Variants in GUCY1B1 observed in about 807,000 individuals in gnomAD.
The protein encoded by GUCY1B1 is guanylate cyclase soluble subunit beta-1.
Under a neutral mutation model 71.0 loss-of-function variants are expected in GUCY1B1, and 43 were observed. The ratio of observed to expected loss-of-function variants is 0.61; its 90% CI spans 0.47 to 0.78. The LOEUF (loss-of-function observed/expected upper bound fraction) is 0.78, where lower values mean the gene tolerates loss of function less well. Among genes scored for constraint, GUCY1B1 ranks in the 30% least tolerant of loss-of-function variants. The pLI is 0.00. For synonymous variants in GUCY1B1, 266 were observed against 259.7 expected, an observed-to-expected ratio of 1.02 and a Z score of -0.23; for missense variants, 535 against 754.1, an observed-to-expected ratio of 0.71 and a Z score of 3.40.
intron 2 of GUCY1B1, among the ~76,000 whole-genome samples, chr4:155,773,105 T>C (rs1218735677): frequency 2.0e-5 from 3 of 152,254 alleles, no homozygotes; most frequent in Non-Finnish European, 4.4e-5. Flanking sequence ...GTGGCTACTT[T>C]CCTTTGTATT....
chr4:155,781,885 G>T (rs549417718), intron 4 of GUCY1B1, among the ~76,000 whole-genome samples: 256 of 152,062 alleles, frequency 1.7e-3, no homozygotes, highest in Non-Finnish European at 3.1e-3. Flanking sequence ...AAGAGAAAAA[G>T]AAGACATTTT....
At chr4:155,776,077 A>G (rs916478935) in intron 3 of GUCY1B1, among the ~76,000 whole-genome samples, 1 of 152,194 alleles carries the variant, frequency 6.6e-6, no homozygotes, top group Non-Finnish European at 1.5e-5. Context: ...AACTTTTTTT[A>G]TTATCAATTT....
In GUCY1B1 at chr4:155,795,395, AT is replaced by A; in HGVS notation, c.783del (p.Ile261MetfsTer18). On this transcript the variant is annotated frameshift_variant, in exon 7 of 14. Coordinates refer to ENST00000264424, the MANE Select transcript of GUCY1B1 (RefSeq NM_000857.5). LOFTEE classifies it high-confidence loss of function. ...TGTCTTCTCGCTGGTTCGTCCTCAT[AT>A]TGATATTAGTTTCCATGGGATCCTT... ...LSVFSLVRPH[I>X]DISFHGILSH... 6.2e-7 allele frequency: 1 copy of A among 1,611,050 alleles called. No homozygotes were observed. The highest frequency in any genetic ancestry group is 8.5e-7 in the Non-Finnish European group (1 of 1,177,540).
At chr4:155,796,645 T>C in intron 8 of GUCY1B1, 135 bp downstream of exon 8, 3 of 611,108 alleles carry the variant, frequency 4.9e-6, no homozygotes, top group Non-Finnish European at 8.5e-6. Context: ...TTGTTGTGTA[T>C]TACTTTATAA....
intron 1 of GUCY1B1, chr4:155,759,526 C>T (rs1736808885): frequency 3.9e-6 from 2 of 519,408 alleles, no homozygotes; most frequent in Non-Finnish European, 6.7e-6. Flanking sequence ...CCCAGCCTCT[C>T]CCGGAGCGGT....
At chr4:155,759,421 G>T (rs1023151171) in intron 1 of GUCY1B1, 13 of 542,676 alleles carry the variant, frequency 2.4e-5, no homozygotes, top group African/African-American at 1.6e-4. Flanking sequence ...GGAGGCGTGG[G>T]GTCTTCCCGG....
chr4:155,780,415 C>A (rs1738337476), intron 4 of GUCY1B1, among the ~76,000 whole-genome samples: 1 of 152,102 alleles, frequency 6.6e-6, no homozygotes, highest in African/African-American at 2.4e-5. Flanking sequence ...AAGCTCTGCC[C>A]TATCCTAGTC....
intron 5 of GUCY1B1, 43 bp from the exon 6 acceptor site, chr4:155,793,813 T>C (rs1358832894): frequency 2.3e-6 from 2 of 854,204 alleles, no homozygotes; most frequent in African/African-American, 3.4e-5. Context: ...TTTATTAAAC[T>C]GAAATGAAGA....
At position 155,802,609 on chromosome 4, in the gene GUCY1B1, C is replaced by G. The variant is rs763374854; in HGVS notation, c.1413+30C>G. 5 of 1,524,394 alleles carry G rather than the reference C, an allele frequency of 3.3e-6. No homozygotes were observed. Among genetic ancestry groups the G allele is most frequent in the Non-Finnish European group, 4.4e-6 (5 of 1,134,384 alleles). 94.4% of individuals were successfully genotyped at this position (1,524,394 alleles called of 1,614,324 possible). On this transcript the variant is annotated intron_variant, in intron 10 of 13. Coordinates refer to ENST00000264424, the MANE Select transcript of GUCY1B1 (RefSeq NM_000857.5). The surrounding 1 kb of genome is among the most constrained non-coding windows in gnomAD (Gnocchi z 4.3). ...GTGTTCTTTATCGCTGACTGCAGAGCTATCCAGAGGCTGGCGTTCTGAGAC... is the reference window on the plus strand; with the variant it reads ...GTGTTCTTTATCGCTGACTGCAGAGGTATCCAGAGGCTGGCGTTCTGAGAC...
chr4:155,798,217 C>G (rs533727996), intron 8 of GUCY1B1, among the ~76,000 whole-genome samples: 1 of 152,190 alleles, frequency 6.6e-6, no homozygotes, highest in African/African-American at 2.4e-5. Flanking sequence ...AAACAAAGAT[C>G]AAGTAAAAGT....
intron 4 of GUCY1B1, among the ~76,000 whole-genome samples, chr4:155,784,699 C>A (rs983993935): frequency 6.6e-6 from 1 of 152,110 alleles, no homozygotes; most frequent in Non-Finnish European, 1.5e-5. Context: ...AACAAGGATT[C>A]TTGGATACTG....
In GUCY1B1 at chr4:155,802,147, C is replaced by T; in HGVS notation, c.1176-195C>T. 7.7e-7 allele frequency: 1 copy of T among 1,305,020 alleles called. No individual in the cohort carries two copies. The highest frequency in any genetic ancestry group is 2.4e-4 in the Middle Eastern group (1 of 4,094). The allele number at this position is 1,305,020 out of a possible 1,614,324, so 80.8% of individuals were successfully genotyped here. ...GGATGTCTTATGTGATTAGGATGAA[C>T]AAATAATTTATGTTTTCTGTAAATC... On this transcript the variant is annotated intron_variant, in intron 9 of 13. Transcript: ENST00000264424. The surrounding 1 kb of genome is among the most constrained non-coding windows in gnomAD (Gnocchi z 4.3).
intron 2 of GUCY1B1, among the ~76,000 whole-genome samples, chr4:155,773,356 G>A (rs1737821572): frequency 6.6e-6 from 1 of 152,280 alleles, no homozygotes; most frequent in South Asian, 2.1e-4. Flanking sequence ...TTGAATGCTT[G>A]TTTGAGAAAA....
chr4:155,785,570 G>A (rs1318964427), intron 4 of GUCY1B1, among the ~76,000 whole-genome samples: 2 of 151,822 alleles, frequency 1.3e-5, no homozygotes, highest in African/African-American at 4.8e-5. Flanking sequence ...GTTTTCTCTT[G>A]GCCATTGTAA....
chr4:155,759,734 G>T (rs973160901), intron 1 of GUCY1B1, 53 bp from the exon 2 acceptor site: 37 of 1,373,402 alleles, frequency 2.7e-5, no homozygotes, highest in Non-Finnish European at 3.8e-5. Flanking sequence ...CCCCCAAGCC[G>T]CTTCTCAGGT....
rs919556003 is a variant in GUCY1B1 at position 155,759,291 on chromosome 4, C to G, written c.3+148C>G. ...GGAGCAGCCTCACTCCTTGCCCGCG[C>G]CCAGTCAGGGGAGGTGGGAACGCCG... On this transcript the variant is annotated intron_variant, in intron 1 of 13. Transcript: ENST00000264424. 8.1e-6 allele frequency: 6 copies of G among 743,344 alleles called. No individual in the cohort carries two copies. The Admixed American group carries it at 1.1e-4, about 14-fold the overall frequency. 46.0% of individuals were successfully genotyped at this position (743,344 alleles called of 1,614,324 possible).
intron 3 of GUCY1B1, among the ~76,000 whole-genome samples, chr4:155,776,732 T>C (rs1275294745): frequency 6.6e-6 from 1 of 152,158 alleles, no homozygotes; most frequent in Non-Finnish European, 1.5e-5. Context: ...TGATTGTTTA[T>C]TAAGAAAAAA....
At position 155,802,811 on chromosome 4, in the gene GUCY1B1, A is replaced by G. The variant is rs538704477; in HGVS notation, c.1413+232A>G. Among the ~76,000 whole-genome samples the G allele has an allele frequency of 1.1e-4, 16 of 152,340 alleles. No homozygotes were observed. Among genetic ancestry groups the G allele is most frequent in the African/African-American group, 2.6e-4 (11 of 41,584 alleles). On this transcript the variant is annotated intron_variant, in intron 10 of 13. Transcript: ENST00000264424. This position sits in a 1 kb window ranked among gnomAD's most constrained non-coding sequence, Gnocchi z 4.3. The stretch of plus-strand genomic sequence containing the variant: ...TCATGAAGTGGGTGATTCCCTGGTT[A>G]AAATGAAATGTTCACCATCTTATTT...
intron 2 of GUCY1B1, among the ~76,000 whole-genome samples, chr4:155,771,331 GA>G (rs1193054466): frequency 6.6e-6 from 1 of 152,196 alleles, no homozygotes; most frequent in Non-Finnish European, 1.5e-5. Context: ...TAAAGAGAGA[GA>G]AAGGAAAGGA....
Sources: gnomAD v4.1 joint callset for allele counts (sites outside exome capture counted in the v4.1 genomes callset) on GRCh38, gnomAD v4.1.1 for gene constraint, Gnocchi (gnomAD v3.1) non-coding constraint, MANE v1.5 for transcripts, NCBI Gene and HGNC (gene_info 2026-07-23, HGNC 2026-07-21) for gene names.